The following ZNF81 variants were observed in gnomAD, a reference collection of about 807,000 sequenced individuals.
ZNF81 encodes zinc finger protein 81 (HFZ20).
Under a neutral mutation model 32.3 loss-of-function variants are expected in ZNF81, and 5 were observed. The ratio of observed to expected loss-of-function variants is 0.15; its 90% CI spans 0.08 to 0.33. ZNF81 has a LOEUF of 0.33. ZNF81 is among the 10% of genes least tolerant of loss of function. The pLI is 1.00. For synonymous variants in ZNF81, 163 were observed against 166.8 expected, an observed-to-expected ratio of 0.98 and a Z score of 0.17; for missense variants, 379 against 479.8, an observed-to-expected ratio of 0.79 and a Z score of 1.96.
chrX:47,864,366 A>G (rs558203192), intron 2 of ZNF81, among the ~76,000 whole-genome samples: 2 of 112,035 alleles, frequency 1.8e-5, no homozygotes, highest in South Asian at 3.7e-4. Context: ...AATAGCCACA[A>G]TTATGAGGCC....
chrX:47,875,152 C>T (rs1459110318), intron 2 of ZNF81, among the ~76,000 whole-genome samples: 3 of 111,784 alleles, frequency 2.7e-5, no homozygotes, highest in Non-Finnish European at 3.8e-5. Flanking sequence ...GACAGCAGAG[C>T]AAGGAGGAGC....
chrX:47,916,605 C>T lies in ZNF81; in HGVS notation c.1959C>T (p.Leu653=), dbSNP rs1323405819. ...CGKGFTQKSV[L]SMHRNIHT is the part of the protein sequence containing the mutation. Reference sequence around the variant, plus strand: ...AGGGGTTCACCCAGAAATCAGTTCTCAGTATGCATCGCAATATTCATACAT... The same window carrying T: ...AGGGGTTCACCCAGAAATCAGTTCTTAGTATGCATCGCAATATTCATACAT... The change falls in exon 5 of 5, where the codon CTC becomes CTT. Residue 653 remains leucine, a synonymous_variant. Transcript: ENST00000338637. 1 of 1,201,312 alleles carries T rather than the reference C, an allele frequency of 8.3e-7. No individual in the cohort carries two copies. Among genetic ancestry groups the T allele is most frequent in the African/African-American group, 1.8e-5 (1 of 56,917 alleles).
At chrX:47,851,666 T>C (rs2058496120) in intron 2 of ZNF81, among the ~76,000 whole-genome samples, 1 of 112,411 alleles carries the variant, frequency 8.9e-6, no homozygotes, top group South Asian at 3.6e-4. Flanking sequence ...TAAATGAAAA[T>C]GTTAGTGTTT....
intron 1 of ZNF81, chrX:47,842,627 G>C (rs782125543): frequency 9.0e-6 from 1 of 110,801 alleles, no homozygotes; most frequent in East Asian, 2.8e-4. Context: ...CTGTGTTTTG[G>C]TTTTGTTTTG....
At chrX:47,837,315 A>G (rs1251656380) in intron 1 of ZNF81, among the ~76,000 whole-genome samples, 1 of 112,238 alleles carries the variant, frequency 8.9e-6, no homozygotes, top group Non-Finnish European at 1.9e-5. Context: ...CATTCCTTGA[A>G]ATATAAGGAG....
At chrX:47,894,239 G>C (rs782039204) in intron 3 of ZNF81, among the ~76,000 whole-genome samples, 15 of 111,476 alleles carry the variant, frequency 1.3e-4, no homozygotes, top group African/African-American at 4.9e-4. Flanking sequence ...GACCTGACAA[G>C]ATTCTTGCTG....
At position 47,888,095 on chromosome X, in the gene ZNF81, T is replaced by C. The variant is rs781928167; in HGVS notation, c.151T>C (p.Leu51=). The C allele has an allele frequency of 8.3e-7, 1 of 1,210,391 alleles. No homozygotes were observed. The highest frequency in any genetic ancestry group is 1.1e-6 in the Non-Finnish European group (1 of 894,992). The change falls in exon 3 of 5, where the codon TTG becomes CTG. Residue 51 remains leucine, a synonymous_variant. Coordinates refer to ENST00000338637, the MANE Select transcript of ZNF81 (RefSeq NM_007137.5). ...AAGACGCCTGTACCAGGATGTAATG[T>C]TGGAGAACTACAGCCACCTGCTCTC... ...TQRRLYQDVM[L]ENYSHLLSVG...
At chrX:47,882,987 C>G (rs1317934249) in intron 2 of ZNF81, among the ~76,000 whole-genome samples, 1 of 112,486 alleles carries the variant, frequency 8.9e-6, no homozygotes, top group Non-Finnish European at 1.9e-5. Flanking sequence ...AAGACTCTGT[C>G]TCAAAAACAA....
chrX:47,848,026 T>C (rs1428836485), intron 2 of ZNF81, among the ~76,000 whole-genome samples: 1 of 110,341 alleles, frequency 9.1e-6, no homozygotes, highest in Non-Finnish European at 1.9e-5. Context: ...ACCATTCTCC[T>C]GCCTCAGCCT....
At chrX:47,908,425 A>T (rs1556889430) in intron 4 of ZNF81, among the ~76,000 whole-genome samples, 1 of 112,019 alleles carries the variant, frequency 8.9e-6, no homozygotes, top group African/African-American at 3.2e-5. Context: ...TGGAATTCAC[A>T]TTCATTGATG....
At chrX:47,875,623 T>C (rs1490162725) in intron 2 of ZNF81, among the ~76,000 whole-genome samples, 1 of 112,406 alleles carries the variant, frequency 8.9e-6, no homozygotes, top group Admixed American at 9.4e-5. Flanking sequence ...ATTTTATAAT[T>C]CACCTTCAGC....
rs181077053 is a variant in ZNF81 at position 47,893,633 on chromosome X, T to C, written c.182-2212T>C. 3.1e-3 allele frequency among the ~76,000 whole-genome samples: 336 copies of C among 109,888 alleles called. 1 individual carries two copies. The highest frequency in any genetic ancestry group is 0.01 in the African/African-American group (314 of 30,174). ...CCTAGGAGACTAACCCAGCCTTTCCTTGCATGAGACTCTAACTTACTTTCT... is the reference window on the plus strand; with the variant it reads ...CCTAGGAGACTAACCCAGCCTTTCCCTGCATGAGACTCTAACTTACTTTCT... On this transcript the variant is annotated intron_variant, in intron 3 of 4. Coordinates refer to ENST00000338637, the MANE Select transcript of ZNF81 (RefSeq NM_007137.5).
At chrX:47,902,346 A>G (rs1282076784) in intron 4 of ZNF81, among the ~76,000 whole-genome samples, 1 of 112,252 alleles carries the variant, frequency 8.9e-6, no homozygotes, top group Non-Finnish European at 1.9e-5. Flanking sequence ...GACAAAATGC[A>G]CAATCATAGT....
chrX:47,916,394 A>G lies in ZNF81; in HGVS notation c.1748A>G (p.Lys583Arg). Reference sequence around the variant, plus strand: ...ATTCATACTACAGAGAAGCCTTATAAATGTCCTGACTGTGAGAAATCCTTC... The same window carrying G: ...ATTCATACTACAGAGAAGCCTTATAGATGTCCTGACTGTGAGAAATCCTTC... ...QRIHTTEKPY[K>R]CPDCEKSFSK... The change falls in exon 5 of 5, where the codon AAA (lysine) becomes AGA (arginine). Residue 583 changes from lysine (K) to arginine (R), a missense_variant. Lys to Arg is a conservative substitution (Grantham distance 26, BLOSUM62 2). Around this residue, in one of 2 missense-constraint regions of ZNF81, gnomAD observed 102 missense variants for 173.2 expected, o/e 0.59. Transcript: ENST00000338637. 7 of 1,211,595 alleles carry G rather than the reference A, an allele frequency of 5.8e-6. No individual in the cohort carries two copies. Among genetic ancestry groups the G allele is most frequent in the Non-Finnish European group, 7.8e-6 (7 of 895,480 alleles).
chrX:47,895,980 AT>A (rs200780354), intron 4 of ZNF81, 40 bp downstream of exon 4: 14,146 of 973,379 alleles, frequency 0.015, 112 homozygotes, highest in Non-Finnish European at 0.015. Context: ...ACACGAAGTA[AT>A]TTTTTTTTTC....
chrX:47,845,358 C>T (rs782580359), intron 1 of ZNF81, among the ~76,000 whole-genome samples: 14 of 111,415 alleles, frequency 1.3e-4, no homozygotes, highest in African/African-American at 4.2e-4. Context: ...GTTCCCTCAA[C>T]GAGGAAACAG....
rs2058677332 is a variant in ZNF81 at position 47,895,696 on chromosome X, TG to T, written c.182-148del. 11 of 507,076 alleles carry T rather than the reference TG, an allele frequency of 2.2e-5. No individual in the cohort carries two copies. In the East Asian group the frequency reaches 4.0e-4, roughly 19 times the overall value. The allele number at this position is 507,076 out of a possible 1,213,427, so 41.8% of individuals were successfully genotyped here. On this transcript the variant is annotated intron_variant, in intron 3 of 4. Transcript: ENST00000338637. ...TATCTGGGACATTAGAACCCTATGA[TG>T]ATGTCCTCCTTGACTTGTCTGAGAT...
At chrX:47,852,997 A>G (rs782173428) in intron 2 of ZNF81, among the ~76,000 whole-genome samples, 4 of 112,486 alleles carry the variant, frequency 3.6e-5, no homozygotes. Flanking sequence ...GCATGAAAAC[A>G]ACATGAATCT....
intron 2 of ZNF81, among the ~76,000 whole-genome samples, chrX:47,870,721 T>C (rs995074273): frequency 1.8e-5 from 2 of 112,632 alleles, no homozygotes; most frequent in Non-Finnish European, 3.7e-5. Flanking sequence ...ACCAGGTTCC[T>C]GGTATGTTGA....
Sources: gnomAD v4.1 joint callset for allele counts (sites outside exome capture counted in the v4.1 genomes callset) on GRCh38, gnomAD v4.1.1 for gene constraint, gnomAD v4.1.1 regional missense constraint, MANE v1.5 for transcripts, NCBI Gene and HGNC (gene_info 2026-07-23, HGNC 2026-07-21) for gene names.